The following TMEM63A variants were observed in gnomAD, a reference collection of about 807,000 sequenced individuals.
TMEM63A encodes the protein transmembrane protein 63A.
TMEM63A carries 76 observed loss-of-function variants against 100.6 expected under a neutral mutation model. That is an observed-to-expected ratio of 0.76 (90% confidence interval 0.63 to 0.91). TMEM63A has a LOEUF of 0.91. Among genes scored for constraint, TMEM63A ranks in the 40% least tolerant of loss-of-function variants. TMEM63A has a pLI of 0.00. For synonymous variants in TMEM63A, 401 were observed against 401.1 expected, an observed-to-expected ratio of 1.00 and a Z score of 0.00; for missense variants, 876 against 1,008.8, an observed-to-expected ratio of 0.87 and a Z score of 1.78.
chr1:225,874,046 G>A (rs774699959), intron 4 of TMEM63A, among the ~76,000 whole-genome samples: 4 of 152,192 alleles, frequency 2.6e-5, no homozygotes, highest in Non-Finnish European at 5.9e-5. Context: ...GTGGTGAAGA[G>A]CAAAGAGAAC....
Position 225,849,009 on chromosome 1 carries a change from A to G in TMEM63A, c.2075T>C (p.Met692Thr), listed in dbSNP as rs1334699076. Reference sequence around the variant, plus strand: ...GGTGAACAGAGTGGCGGGGGCCTTCATACCTGGTGATAGAGGGTGGCTAGC... The same window carrying G: ...GGTGAACAGAGTGGCGGGGGCCTTCGTACCTGGTGATAGAGGGTGGCTAGC... ...LYFFSFLRLG[M>T]KAPATLFTFL... Residue 692 changes from methionine to threonine, a missense_variant, in exon 22 of 25, where the codon ATG (methionine) becomes ACG (threonine). Physicochemically the swap from Met to Thr is moderately conservative, Grantham distance 81. This residue lies in a region of TMEM63A where 339 missense variants were observed against 342.3 expected (regional missense o/e 0.99). Coordinates refer to ENST00000366835, the MANE Select transcript of TMEM63A (RefSeq NM_014698.3). 6.6e-7 allele frequency: 1 copy of G among 1,515,974 alleles called. No individual in the cohort carries two copies. The highest frequency in any genetic ancestry group is 2.0e-5 in the Admixed American group (1 of 50,926). 93.9% of individuals were successfully genotyped at this position (1,515,974 alleles called of 1,614,324 possible). A position where few individuals can be genotyped will look rare whatever the true frequency, so the allele number is the denominator to read the frequency against.
At chr1:225,841,707 T>G (rs554279109), downstream of TMEM63A, among the ~76,000 whole-genome samples, 10 of 149,762 alleles carry the variant, frequency 6.7e-5, no homozygotes, top group South Asian at 1.3e-3. Flanking sequence ...GTTCAAGCAA[T>G]TTGCCTGCCT....
intron 3 of TMEM63A, among the ~76,000 whole-genome samples, chr1:225,875,086 A>G (rs1374527375): frequency 6.6e-6 from 1 of 152,214 alleles, no homozygotes; most frequent in Non-Finnish European, 1.5e-5. Context: ...CCTCAGGCTG[A>G]GCCAGAAACG....
In TMEM63A at chr1:225,865,454, G is replaced by A. The variant is rs1670152841; in HGVS notation, c.746+443C>T. ...CACTCAACAGACACCCGCTCAGTGG[G>A]TGGACAAACGAACAAACGCAGAGAT... On this transcript the variant is annotated intron_variant, in intron 10 of 24. Coordinates refer to ENST00000366835, the MANE Select transcript of TMEM63A (RefSeq NM_014698.3). This position sits in a 1 kb window ranked among gnomAD's most constrained non-coding sequence, Gnocchi z 4.6. 6.2e-6 allele frequency: 1 copy of A among 160,444 alleles called. No homozygotes were observed. Among genetic ancestry groups the A allele is most frequent in the African/African-American group, 2.4e-5 (1 of 41,844 alleles). The allele number at this position is 160,444 out of a possible 1,614,324, so 9.9% of individuals were successfully genotyped here.
chr1:225,859,378 GA>G, intron 14 of TMEM63A, 29 bp from the exon 15 acceptor site: 1 of 1,611,820 alleles, frequency 6.2e-7, no homozygotes, highest in Non-Finnish European at 8.5e-7. Context: ...TACAGGTCTC[GA>G]GGCTTGTCTC....
At position 225,845,830 on chromosome 1, in the gene TMEM63A, C is replaced by G; in HGVS notation, c.*1109G>C. 4.5e-6 allele frequency: 1 copy of G among 222,442 alleles called. No homozygotes were observed. 13.8% of individuals were successfully genotyped at this position (222,442 alleles called of 1,614,324 possible). A position where few individuals can be genotyped will look rare whatever the true frequency, so the allele number is the denominator to read the frequency against. ...CCCTGAGTGAGAAGGCCCAGATAAG[C>G]CCAGGCCCCCCAGGCCAGCGGACAG... On this transcript the variant is annotated 3_prime_UTR_variant, in exon 25 of 25. Coordinates refer to ENST00000366835, the MANE Select transcript of TMEM63A (RefSeq NM_014698.3).
downstream of TMEM63A, among the ~76,000 whole-genome samples, chr1:225,840,564 C>A (rs1668314055): frequency 6.6e-6 from 1 of 152,188 alleles, no homozygotes; most frequent in Non-Finnish European, 1.5e-5. Flanking sequence ...AATAAGAACA[C>A]TGAAATTAAT....
intron 19 of TMEM63A, among the ~76,000 whole-genome samples, chr1:225,852,976 C>T (rs1559035930): frequency 1.3e-5 from 2 of 152,230 alleles, no homozygotes; most frequent in South Asian, 4.1e-4. Context: ...CATGGTGATG[C>T]GTGTTTGCTA....
At position 225,862,411 on chromosome 1, in the gene TMEM63A, C is replaced by T. The variant is rs767853563; in HGVS notation, c.951+44G>A. 6.8e-6 allele frequency: 11 copies of T among 1,613,796 alleles called. No homozygotes were observed. The Admixed American group carries it at 8.3e-5, about 12-fold the overall frequency. ...CCCCATGCTGGTATCTGGGGCACCC[C>T]GATGCCAATGCCTCTGCTCCCAGCC... On this transcript the variant is annotated intron_variant, in intron 12 of 24. Coordinates refer to ENST00000366835, the MANE Select transcript of TMEM63A (RefSeq NM_014698.3). This position sits in a 1 kb window ranked among gnomAD's most constrained non-coding sequence, Gnocchi z 5.1.
chr1:225,872,220 G>C (rs1327470840), intron 4 of TMEM63A, among the ~76,000 whole-genome samples, 167 bp from the exon 5 acceptor site: 1 of 152,102 alleles, frequency 6.6e-6, no homozygotes, highest in Non-Finnish European at 1.5e-5. Flanking sequence ...GTGAAAGATA[G>C]AGACAAGGAC....
intron 23 of TMEM63A, 59 bp from the exon 24 acceptor site, chr1:225,847,272 CT>C (rs1264104667): frequency 6.4e-6 from 10 of 1,570,426 alleles, no homozygotes; most frequent in Non-Finnish European, 7.8e-6. Context: ...CACTGCATCC[CT>C]CCCCTCCTGC....
chr1:225,867,445 A>C lies in TMEM63A; in HGVS notation c.515-282T>G, dbSNP rs980682713. 6.6e-6 allele frequency among the ~76,000 whole-genome samples: 1 copy of C among 152,354 alleles called. No homozygotes were observed. Among genetic ancestry groups the C allele is most frequent in the South Asian group, 2.1e-4 (1 of 4,826 alleles). On this transcript the variant is annotated intron_variant, in intron 7 of 24. Coordinates refer to ENST00000366835, the MANE Select transcript of TMEM63A (RefSeq NM_014698.3). This position sits in a 1 kb window ranked among gnomAD's most constrained non-coding sequence, Gnocchi z 4.6. ...AACATCCTATGTTGTTACAAAACCAACGTTGGGAACCACTGGGTATCCTAA... is the reference window on the plus strand; with the variant it reads ...AACATCCTATGTTGTTACAAAACCACCGTTGGGAACCACTGGGTATCCTAA...
intron 2 of TMEM63A, 180 bp from the exon 3 acceptor site, chr1:225,877,774 G>A: frequency 1.8e-6 from 1 of 570,516 alleles, no homozygotes; most frequent in Non-Finnish European, 3.1e-6. Context: ...AGTGTCCACA[G>A]AGAATGGCTG....
chr1:225,877,305 G>C, intron 3 of TMEM63A, 90 bp downstream of exon 3: 1 of 1,428,570 alleles, frequency 7.0e-7, no homozygotes. Context: ...AGCTATGTCT[G>C]ACTTCTCATC....
intron 20 of TMEM63A, among the ~76,000 whole-genome samples, chr1:225,851,042 G>A (rs549391330): frequency 6.6e-6 from 1 of 152,238 alleles, no homozygotes; most frequent in African/African-American, 2.4e-5. Flanking sequence ...CTGGGTCAGG[G>A]TCTGTGGGAC....
chr1:225,850,099 G>A lies in TMEM63A; in HGVS notation c.1904-20C>T, dbSNP rs969055981. 1.2e-6 allele frequency: 2 copies of A among 1,612,970 alleles called. No individual in the cohort carries two copies. Among genetic ancestry groups the A allele is most frequent in the African/African-American group, 1.3e-5 (1 of 74,902 alleles). ...TGAGGCCTGCAGGGGATGGGGCTGT[G>A]AGCTGGAGACCTCGCAGGGCCACAC... On this transcript the variant is annotated intron_variant, in intron 20 of 24. Coordinates refer to ENST00000366835, the MANE Select transcript of TMEM63A (RefSeq NM_014698.3).
Position 225,848,478 on chromosome 1 carries a change from G to A in TMEM63A, c.2250+14C>T. On this transcript the variant is annotated intron_variant, in intron 23 of 24. Transcript: ENST00000366835. ...AAAGGGCGACAAGCTCAGAGGCTGA[G>A]GGGCACAGCTTACTGTGAACGGTGG... The A allele has an allele frequency of 6.2e-7, 1 of 1,613,888 alleles. No individual in the cohort carries two copies. Among genetic ancestry groups the A allele is most frequent in the Non-Finnish European group, 8.5e-7 (1 of 1,179,938 alleles).
chr1:225,877,249 G>T, intron 3 of TMEM63A, 146 bp downstream of exon 3: 3 of 863,522 alleles, frequency 3.5e-6, no homozygotes, highest in Non-Finnish European at 5.1e-6. Flanking sequence ...TAAGTAACAC[G>T]CCTAAGTCAC....
downstream of TMEM63A, chr1:225,842,524 A>G (rs1276938361): frequency 5.5e-6 from 7 of 1,261,386 alleles, no homozygotes; most frequent in African/African-American, 2.9e-5. Flanking sequence ...CCAGCAGCCA[A>G]CCTCCTCACC....
Sources: allele counts gnomAD v4.1 joint callset (sites outside exome capture counted in the v4.1 genomes callset), GRCh38; gene constraint gnomAD v4.1.1; regional missense constraint gnomAD v4.1.1; non-coding constraint Gnocchi (gnomAD v3.1); transcripts MANE v1.5; gene names NCBI Gene and HGNC (gene_info 2026-07-23, HGNC 2026-07-21).